KSR2: variants seen among roughly 807,000 people sequenced by gnomAD.
KSR2 encodes kinase suppressor of ras 2.
In KSR2, 25 loss-of-function variants were observed where a neutral mutation model predicts 107.8. That is an observed-to-expected ratio of 0.23 (90% CI 0.17 to 0.32). The LOEUF (loss-of-function observed/expected upper bound fraction) is 0.32, where lower values mean the gene tolerates loss of function less well. Ranked by LOEUF, KSR2 falls within the 10% of genes least tolerant of loss-of-function variation. KSR2 has a pLI of 1.00. For synonymous variants in KSR2, 480 were observed against 507.0 expected, an observed-to-expected ratio of 0.95 and a Z score of 0.71; for missense variants, 887 against 1,268.9, an observed-to-expected ratio of 0.70 and a Z score of 4.57.
chr12:117,812,751 C>T (rs1033910106), intron 3 of KSR2, among the ~76,000 whole-genome samples: 2 of 147,438 alleles, frequency 1.4e-5, no homozygotes, highest in Non-Finnish European at 3.0e-5. Flanking sequence ...AGATTCAATG[C>T]AATCTCTATT....
chr12:117,473,067 C>A (rs958374041), intron 17 of KSR2, among the ~76,000 whole-genome samples: 1 of 152,176 alleles, frequency 6.6e-6, no homozygotes. Flanking sequence ...TACACCAGAG[C>A]CTGCTGAAAT....
intron 1 of KSR2, 38 bp from the exon 2 acceptor site, chr12:117,860,469 G>A: frequency 6.4e-7 from 1 of 1,563,512 alleles, no homozygotes; most frequent in South Asian, 1.2e-5. Flanking sequence ...ACACATCTCA[G>A]AGGCAGTGAC....
intron 1 of KSR2, among the ~76,000 whole-genome samples, chr12:117,911,785 GATCGCAAACTCTCA>G (rs11267442): frequency 0.29 from 44,674 of 152,008 alleles, 7,175 homozygotes; most frequent in East Asian, 0.53. Flanking sequence ...AATTCATGAG[GATCGCAAACTCTCA>G]ATCGCTACAG....
intron 1 of KSR2, among the ~76,000 whole-genome samples, chr12:117,884,814 C>A (rs1157400908): frequency 6.6e-6 from 1 of 152,080 alleles, no homozygotes; most frequent in Non-Finnish European, 1.5e-5. Flanking sequence ...GAAGGAGGCA[C>A]TAGAATTCAC....
chr12:117,755,600 T>C (rs1260448617), intron 4 of KSR2, among the ~76,000 whole-genome samples: 1 of 152,164 alleles, frequency 6.6e-6, no homozygotes, highest in Non-Finnish European at 1.5e-5. Context: ...TTCCTGGGCC[T>C]CCCTATTTTC....
rs559879739 is a variant in KSR2 at position 117,699,441 on chromosome 12, T to C, written c.987-31783A>G. On this transcript the variant is annotated intron_variant, in intron 4 of 19. Transcript: ENST00000339824. ...GTGCAAACATCATAGAATGTACTTA[T>C]ACAAATCTAGGTGGTAGAGCCTACT... Among the ~76,000 whole-genome samples the C allele has an allele frequency of 3.9e-5, 6 of 152,350 alleles. No individual in the cohort carries two copies. In the East Asian group the frequency reaches 1.2e-3, roughly 29 times the overall value.
At chr12:117,770,519 C>T (rs1052372888) in intron 3 of KSR2, among the ~76,000 whole-genome samples, 3 of 151,758 alleles carry the variant, frequency 2.0e-5, no homozygotes, top group South Asian at 2.1e-4. Context: ...ATCTAGTTTG[C>T]GGTAGATTTT....
chr12:117,580,416 C>T (rs1442288461), intron 6 of KSR2, among the ~76,000 whole-genome samples: 2 of 152,194 alleles, frequency 1.3e-5, no homozygotes, highest in Non-Finnish European at 2.9e-5. Flanking sequence ...GTATTTCACT[C>T]ATCAGCCAGC....
intron 14 of KSR2, chr12:117,517,830 A>T (rs1378853350): frequency 2.2e-6 from 1 of 456,054 alleles, no homozygotes; most frequent in Non-Finnish European, 4.4e-6. Flanking sequence ...CCTGTACGTT[A>T]TATTTAGGAC....
chr12:117,606,486 T>TTCCTTCCTCCCTCCCC, intron 5 of KSR2, among the ~76,000 whole-genome samples: 1 of 59,958 alleles, frequency 1.7e-5, no homozygotes, highest in African/African-American at 5.1e-5. Flanking sequence ...CCTCCTCTCC[T>TTCCTTCCTCCCTCCCC]TCCTTCCTCC....
intron 14 of KSR2, among the ~76,000 whole-genome samples, chr12:117,510,157 T>C (rs1873938159): frequency 6.6e-6 from 1 of 152,238 alleles, no homozygotes; most frequent in South Asian, 2.1e-4. Flanking sequence ...ACAGCAGGCA[T>C]GAGCTCAAAT....
Position 117,968,662 on chromosome 12 carries a change from G to T in KSR2, c.-407C>A. On this transcript the variant is annotated 5_prime_UTR_variant, in exon 1 of 20. Coordinates refer to ENST00000339824, the MANE Select transcript of KSR2 (RefSeq NM_173598.6). ...GGAGGAGGAGGGAGAGGAGGAGGAG[G>T]AGAAGGAAAATAGCGCTCACTCTTT... is the stretch of plus-strand genomic sequence containing the variant. The T allele has an allele frequency of 5.1e-6, 1 of 196,836 alleles. No homozygotes were observed. Among genetic ancestry groups the T allele is most frequent in the South Asian group, 1.6e-4 (1 of 6,116 alleles). 12.2% of individuals were successfully genotyped at this position (196,836 alleles called of 1,614,324 possible).
chr12:117,743,067 C>T (rs997162003), intron 4 of KSR2, among the ~76,000 whole-genome samples: 1 of 152,222 alleles, frequency 6.6e-6, no homozygotes, highest in African/African-American at 2.4e-5. Context: ...CTAGACCATG[C>T]CCTGGCAAGA....
chr12:117,899,148 C>T (rs901495520), intron 1 of KSR2, among the ~76,000 whole-genome samples: 3 of 152,090 alleles, frequency 2.0e-5, no homozygotes, highest in Non-Finnish European at 2.9e-5. Context: ...CAGCAACTCC[C>T]GCCCCACTTT....
intron 1 of KSR2, among the ~76,000 whole-genome samples, chr12:117,959,947 A>C (rs547022241): frequency 8.6e-5 from 13 of 151,874 alleles, no homozygotes; most frequent in Admixed American, 5.9e-4. Context: ...AAAAAAAAAA[A>C]AAAACTTCAA....
intron 4 of KSR2, among the ~76,000 whole-genome samples, chr12:117,716,304 G>A (rs34604146): frequency 0.1 from 15,429 of 152,172 alleles, 825 homozygotes; most frequent in Middle Eastern, 0.18. Flanking sequence ...AATTTACTCT[G>A]AAGTATGGCC....
rs150190269 is a variant in KSR2, at chr12:117,640,664, G to A, written c.1171+26810C>T. 5.0e-3 allele frequency among the ~76,000 whole-genome samples: 767 copies of A among 152,274 alleles called. 3 individuals are homozygous for A. The highest frequency in any genetic ancestry group is 0.01 in the Middle Eastern group (3 of 294). ...AGGTTGGGCAGCAGCAGCAGCAACA[G>A]TCATGTCTAACTGGCTCCCACCCCT... On this transcript the variant is annotated intron_variant, in intron 5 of 19. Coordinates refer to ENST00000339824, the MANE Select transcript of KSR2 (RefSeq NM_173598.6).
chr12:117,761,381 C>A lies in KSR2; in HGVS notation c.616G>T (p.Val206Phe), dbSNP rs779209250. The change falls in exon 4 of 20, where the codon GTC becomes TTC. Residue 206 changes from valine (V) to phenylalanine (F), a missense_variant. Transcript: ENST00000339824. ...SQSPRVPSKCVQHYCHTSPTP... is the reference protein window; with the variant it reads ...SQSPRVPSKCFQHYCHTSPTP... Reference sequence around the variant, plus strand: ...GGGCTGGTGTGACAATAGTGCTGGACGCACTTGGACGGGACCCTGGGGCTC... The same window carrying A: ...GGGCTGGTGTGACAATAGTGCTGGAAGCACTTGGACGGGACCCTGGGGCTC... 2 of 1,604,302 alleles carry A rather than the reference C, an allele frequency of 1.2e-6. No individual in the cohort carries two copies. The highest frequency in any genetic ancestry group is 1.7e-6 in the Non-Finnish European group (2 of 1,177,342).
rs372017590 is a variant in KSR2, at chr12:117,737,898, GT to G, written c.986+23112del. 3.8e-4 allele frequency among the ~76,000 whole-genome samples: 57 copies of G among 150,290 alleles called. No homozygotes were observed. The Middle Eastern group carries it at 0.01, about 27-fold the overall frequency. Reference sequence around the variant, plus strand: ...ACTTTTTTCCTAATAACACTAAAATGTTAACATAATTTTAAATGTTTAAGGT... The same window carrying G: ...ACTTTTTTCCTAATAACACTAAAATGTAACATAATTTTAAATGTTTAAGGT... On this transcript the variant is annotated intron_variant, in intron 4 of 19. Coordinates refer to ENST00000339824, the MANE Select transcript of KSR2 (RefSeq NM_173598.6).
Sources: gnomAD v4.1 joint callset for allele counts (sites outside exome capture counted in the v4.1 genomes callset) on GRCh38, gnomAD v4.1.1 for gene constraint, MANE v1.5 for transcripts, NCBI Gene and HGNC (gene_info 2026-07-23, HGNC 2026-07-21) for gene names.